Variants in PLEKHB2 observed in about 807,000 individuals in gnomAD.
PLEKHB2 encodes the protein pleckstrin homology domain containing B2.
A neutral mutation model predicts 36.5 loss-of-function variants in PLEKHB2; 31 were observed. That is an observed-to-expected ratio of 0.85 (90% confidence interval 0.64 to 1.15). PLEKHB2 has a LOEUF of 1.15. Among genes scored for constraint, PLEKHB2 ranks in the 50% most tolerant of loss-of-function variants. The pLI, the probability that PLEKHB2 is intolerant of heterozygous loss-of-function variation, is 0.00. For synonymous variants in PLEKHB2, 119 were observed against 112.0 expected, an observed-to-expected ratio of 1.06 and a Z score of -0.39; for missense variants, 262 against 295.3, an observed-to-expected ratio of 0.89 and a Z score of 0.83.
At chr2:131,114,434 C>G (rs188278776) in intron 1 of PLEKHB2, among the ~76,000 whole-genome samples, 2 of 152,284 alleles carry the variant, frequency 1.3e-5, no homozygotes, top group African/African-American at 4.8e-5. Flanking sequence ...GCCCTGGAGA[C>G]ATTTTGCCCA....
intron 1 of PLEKHB2, among the ~76,000 whole-genome samples, chr2:131,113,318 T>C (rs1275120885): frequency 1.3e-5 from 2 of 152,130 alleles, no homozygotes; most frequent in Non-Finnish European, 2.9e-5. Context: ...AGTGGTCCCC[T>C]GACCTTCTCC....
chr2:131,120,280 A>G (rs1456507420), intron 1 of PLEKHB2: 1 of 152,574 alleles, frequency 6.6e-6, no homozygotes, highest in Non-Finnish European at 1.5e-5. Flanking sequence ...TTGTATTTTT[A>G]GTAGAGATGA....
intron 7 of PLEKHB2, among the ~76,000 whole-genome samples, chr2:131,142,202 A>G (rs541731118): frequency 1.3e-5 from 2 of 152,354 alleles, no homozygotes; most frequent in South Asian, 2.1e-4. Context: ...CACTCCACAC[A>G]GGCGGTGCCC....
chr2:131,139,631 C>T (rs751172962), intron 6 of PLEKHB2, among the ~76,000 whole-genome samples: 1 of 152,130 alleles, frequency 6.6e-6, no homozygotes, highest in Admixed American at 6.5e-5. Flanking sequence ...GCATGTTTCT[C>T]GCCATGTCTT....
chr2:131,111,054 G>A (rs940399370), intron 1 of PLEKHB2, among the ~76,000 whole-genome samples: 12 of 152,102 alleles, frequency 7.9e-5, no homozygotes, highest in African/African-American at 2.9e-4. Context: ...GCCCAGGCTG[G>A]AATGCAGTGG....
At chr2:131,115,091 G>C (rs1695721593) in intron 1 of PLEKHB2, among the ~76,000 whole-genome samples, 1 of 152,166 alleles carries the variant, frequency 6.6e-6, no homozygotes, top group African/African-American at 2.4e-5. Context: ...TCACAATCAT[G>C]GTGGAAGGCA....
chr2:131,140,699 T>C (rs1020473958), intron 7 of PLEKHB2, among the ~76,000 whole-genome samples: 2 of 152,254 alleles, frequency 1.3e-5, no homozygotes, highest in African/African-American at 4.8e-5. Context: ...GTATTTATTC[T>C]GGGCTTGGAG....
At chr2:131,128,708 G>C (rs78336395) in intron 4 of PLEKHB2, among the ~76,000 whole-genome samples, 2,624 of 152,236 alleles carry the variant, frequency 0.017, 70 homozygotes, top group African/African-American at 0.057. Context: ...AAAGACTGGA[G>C]ATACTCTCAG....
Position 131,137,673 on chromosome 2 carries a change from TTATTAATTTTATGAATAGTTTCAAA to T in PLEKHB2, c.424-2493_424-2469del, listed in dbSNP as rs199503105. On this transcript the variant is annotated intron_variant, in intron 6 of 7. Coordinates refer to ENST00000693505, the MANE Select transcript of PLEKHB2 (RefSeq NM_001100623.2). ...TCTTTTTGATAGTTTACTAAAGGTT[TTATTAATTTTATGAATAGTTTCAAA>T]GAAATAGCTTTTCGTTTTATTCACT... 2.4e-4 allele frequency among the ~76,000 whole-genome samples: 36 copies of T among 152,316 alleles called. No homozygotes were observed. The East Asian group carries it at 6.7e-3, about 29-fold the overall frequency.
intron 6 of PLEKHB2, among the ~76,000 whole-genome samples, chr2:131,137,686 G>T (rs999422943): frequency 3.9e-5 from 6 of 152,006 alleles, no homozygotes; most frequent in African/African-American, 1.4e-4. Context: ...TTAATTTTAT[G>T]AATAGTTTCA....
intron 5 of PLEKHB2, 62 bp from the exon 6 acceptor site, chr2:131,132,840 C>A: frequency 1.1e-6 from 1 of 896,086 alleles, no homozygotes; most frequent in Non-Finnish European, 1.9e-6. Context: ...GGACAATGCA[C>A]AGCATCGAGC....
At position 131,130,761 on chromosome 2, in the gene PLEKHB2, G is replaced by A. The variant is rs1445418623; in HGVS notation, c.333+1G>A. ...ACTCCAAGATTCTAGGACAAACACA[G>A]TAAGTTGCTAATGGCAATCACCAAT... On this transcript the variant is annotated splice_donor_variant, in intron 5 of 7. Coordinates refer to ENST00000693505, the MANE Select transcript of PLEKHB2 (RefSeq NM_001100623.2). LOFTEE classifies it high-confidence loss of function. 2 of 1,606,734 alleles carry A rather than the reference G, an allele frequency of 1.2e-6. No homozygotes were observed. Among genetic ancestry groups the A allele is most frequent in the African/African-American group, 1.3e-5 (1 of 74,782 alleles).
chr2:131,146,895 A>T lies in PLEKHB2; in HGVS notation c.*122A>T. On this transcript the variant is annotated 3_prime_UTR_variant, in exon 8 of 8. Transcript: ENST00000693505. ...TAGTTTTAATCATTCCTTTGAAAGTAGTGATGTCATAATTGTACTAATCCA... is the reference window on the plus strand; with the variant it reads ...TAGTTTTAATCATTCCTTTGAAAGTTGTGATGTCATAATTGTACTAATCCA... 1.2e-6 allele frequency: 1 copy of T among 819,166 alleles called. No homozygotes were observed. The highest frequency in any genetic ancestry group is 2.0e-5 in the South Asian group (1 of 51,020). The allele number at this position is 819,166 out of a possible 1,614,324, so 50.7% of individuals were successfully genotyped here.
intron 4 of PLEKHB2, among the ~76,000 whole-genome samples, chr2:131,127,604 TAGAG>T (rs796907171): frequency 7.9e-5 from 12 of 152,348 alleles, no homozygotes; most frequent in African/African-American, 2.9e-4. Flanking sequence ...TGAAATGGAT[TAGAG>T]ATCATCTTCC....
At chr2:131,114,131 A>C (rs964748387) in intron 1 of PLEKHB2, among the ~76,000 whole-genome samples, 27 of 151,922 alleles carry the variant, frequency 1.8e-4, no homozygotes, top group African/African-American at 6.5e-4. Context: ...TTTTCTCCTT[A>C]ACTCTCATTT....
intron 6 of PLEKHB2, among the ~76,000 whole-genome samples, chr2:131,137,421 G>A (rs763136473): frequency 1.3e-5 from 2 of 152,218 alleles, no homozygotes; most frequent in Non-Finnish European, 2.9e-5. Context: ...GTCCACCGCA[G>A]ATACAGCTTT....
intron 1 of PLEKHB2, among the ~76,000 whole-genome samples, chr2:131,117,118 CA>C (rs1371093933): frequency 2.7e-5 from 4 of 147,668 alleles, no homozygotes; most frequent in East Asian, 2.0e-4. Flanking sequence ...AAACTCCGTC[CA>C]AAAAAAAAGA....
chr2:131,129,940 T>C (rs1697509924), intron 4 of PLEKHB2, among the ~76,000 whole-genome samples: 1 of 152,178 alleles, frequency 6.6e-6, no homozygotes, highest in Non-Finnish European at 1.5e-5. Context: ...TGAAATAAAT[T>C]ATGTTTTTAT....
chr2:131,114,675 G>A (rs2104796832), intron 1 of PLEKHB2, among the ~76,000 whole-genome samples: 1 of 152,090 alleles, frequency 6.6e-6, no homozygotes, highest in East Asian at 1.9e-4. Context: ...CTCTAGGACA[G>A]GGACAAAATA....
Sources: allele counts gnomAD v4.1 joint callset (sites outside exome capture counted in the v4.1 genomes callset), GRCh38; gene constraint gnomAD v4.1.1; transcripts MANE v1.5; gene names NCBI Gene and HGNC (gene_info 2026-07-23, HGNC 2026-07-21).